The following C1orf198 variants were observed in gnomAD, a reference collection of about 807,000 sequenced individuals.
C1orf198 encodes uncharacterized protein C1orf198.
A neutral mutation model predicts 31.4 loss-of-function variants in C1orf198; 17 were observed. The observed-to-expected ratio is 0.54, with a 90% CI of 0.37 to 0.81. The LOEUF (loss-of-function observed/expected upper bound fraction) is 0.81, where lower values mean the gene tolerates loss of function less well. C1orf198 is among the 40% of genes least tolerant of loss of function. C1orf198 has a pLI of 0.00. For missense variants in C1orf198, 401 were observed against 450.3 expected, an observed-to-expected ratio of 0.89 and a Z score of 0.99; for synonymous variants, 175 against 193.8, an observed-to-expected ratio of 0.90 and a Z score of 0.81.
chr1:230,838,264 A>G lies in C1orf198; in HGVS notation c.*1588T>C, dbSNP rs1669352630. On this transcript the variant is annotated 3_prime_UTR_variant, in exon 4 of 4. Transcript: ENST00000366663. This position sits in a 1 kb window ranked among gnomAD's most constrained non-coding sequence, Gnocchi z 4.2. ...TCAACTATACTTAAATGGTACAGAA[A>G]GAACCAATATTTGAAAAGTTACAGT... 1 of 152,292 alleles carries G rather than the reference A, an allele frequency of 6.6e-6. No individual in the cohort carries two copies. Among genetic ancestry groups the G allele is most frequent in the South Asian group, 2.1e-4 (1 of 4,836 alleles). The allele number at this position is 152,292 out of a possible 1,614,324, so 9.4% of individuals were successfully genotyped here. A position where few individuals can be genotyped will look rare whatever the true frequency, so the allele number is the denominator to read the frequency against.
At chr1:230,859,662 G>A (rs575616680) in intron 1 of C1orf198, among the ~76,000 whole-genome samples, 14 of 152,224 alleles carry the variant, frequency 9.2e-5, no homozygotes, top group African/African-American at 2.9e-4. Flanking sequence ...AGAGGCCAGC[G>A]CTACATGTAA....
At chr1:230,853,760 CAT>C (rs755430544) in intron 2 of C1orf198, among the ~76,000 whole-genome samples, 5 of 152,314 alleles carry the variant, frequency 3.3e-5, no homozygotes, top group African/African-American at 1.2e-4. Context: ...ATGGGTGACA[CAT>C]ATTAACCAGA....
At chr1:230,841,018 G>C (rs558883976) in intron 3 of C1orf198, among the ~76,000 whole-genome samples, 1 of 152,188 alleles carries the variant, frequency 6.6e-6, no homozygotes, top group East Asian at 1.9e-4. Context: ...ACAGAAACAC[G>C]TTCCTGCTTC....
At chr1:230,851,833 T>C (rs751429899) in intron 2 of C1orf198, among the ~76,000 whole-genome samples, 23 of 152,232 alleles carry the variant, frequency 1.5e-4, no homozygotes, top group Non-Finnish European at 3.2e-4. Context: ...AAAGCTGCGT[T>C]GCATGGGGGC....
Position 230,845,984 on chromosome 1 carries a change from G to T in C1orf198, c.385-2088C>A, listed in dbSNP as rs193207084. On this transcript the variant is annotated intron_variant, in intron 2 of 3. Transcript: ENST00000366663. The stretch of plus-strand genomic sequence containing the variant: ...ATGATAATCATTATTTTTAATGGTT[G>T]TAAAAATATTTCAGTAGCTGTCACA... Among the ~76,000 whole-genome samples the T allele has an allele frequency of 6.2e-3, 939 of 152,230 alleles. 6 individuals are homozygous for T. Among genetic ancestry groups the T allele is most frequent in the South Asian group, 0.02 (96 of 4,818 alleles).
At chr1:230,864,273 T>C (rs1670063571) in intron 1 of C1orf198, among the ~76,000 whole-genome samples, 1 of 152,196 alleles carries the variant, frequency 6.6e-6, no homozygotes, top group Non-Finnish European at 1.5e-5. Context: ...GCCCCTAGGT[T>C]TGCAGAAAGG....
chr1:230,868,029 C>G (rs953794203), intron 1 of C1orf198, 151 bp downstream of exon 1: 3 of 840,234 alleles, frequency 3.6e-6, no homozygotes, highest in Non-Finnish European at 4.9e-6. Context: ...AACTTCGGCT[C>G]TGGGGCTCCC....
chr1:230,856,774 C>A (rs573873796), intron 1 of C1orf198, among the ~76,000 whole-genome samples: 1 of 152,280 alleles, frequency 6.6e-6, no homozygotes, highest in African/African-American at 2.4e-5. Flanking sequence ...ATATTTTAAA[C>A]GGAGATCATA....
chr1:230,846,127 A>C (rs1368313996), intron 2 of C1orf198, among the ~76,000 whole-genome samples: 3 of 152,220 alleles, frequency 2.0e-5, no homozygotes, highest in Non-Finnish European at 2.9e-5. Flanking sequence ...TTTTGGGTTA[A>C]TTTCTTTAGA....
chr1:230,848,315 T>C (rs993596499), intron 2 of C1orf198, among the ~76,000 whole-genome samples: 3 of 152,294 alleles, frequency 2.0e-5, no homozygotes, highest in African/African-American at 7.2e-5. Context: ...ATTTTGCAAA[T>C]AACGTATAAC....
At chr1:230,850,624 A>T (rs768951192) in intron 2 of C1orf198, among the ~76,000 whole-genome samples, 6 of 152,044 alleles carry the variant, frequency 3.9e-5, no homozygotes, top group Non-Finnish European at 8.8e-5. Context: ...GGCCAAGAGC[A>T]GGGGCACACA....
chr1:230,867,580 T>A (rs568982039), intron 1 of C1orf198, among the ~76,000 whole-genome samples: 1 of 152,298 alleles, frequency 6.6e-6, no homozygotes, highest in African/African-American at 2.4e-5. Context: ...TTGGAAAACA[T>A]CTTAGGGTGA....
At chr1:230,860,490 A>G (rs1231965943) in intron 1 of C1orf198, among the ~76,000 whole-genome samples, 1 of 152,244 alleles carries the variant, frequency 6.6e-6, no homozygotes, top group Non-Finnish European at 1.5e-5. Flanking sequence ...TGCATAAACA[A>G]AATGTGGTCT....
At chr1:230,865,983 A>G (rs1007983772) in intron 1 of C1orf198, among the ~76,000 whole-genome samples, 1 of 152,186 alleles carries the variant, frequency 6.6e-6, no homozygotes, top group Non-Finnish European at 1.5e-5. Flanking sequence ...ACATCAGAAG[A>G]CTGATCAAGT....
chr1:230,839,887 A>G lies in C1orf198; in HGVS notation c.949T>C (p.Leu317=). ...FAQVSSSNVV[L]KTGFDFLDNW Reference sequence around the variant, plus strand: ...TCCAGAAAATCAAATCCCGTCTTCAAGACGACATTACTTGAGCTGACCTGT... The same window carrying G: ...TCCAGAAAATCAAATCCCGTCTTCAGGACGACATTACTTGAGCTGACCTGT... The change falls in exon 4 of 4, where the codon TTG becomes CTG. Residue 317 remains leucine (L), a synonymous_variant. Coordinates refer to ENST00000366663, the MANE Select transcript of C1orf198 (RefSeq NM_032800.3). The G allele has an allele frequency of 6.2e-7, 1 of 1,610,838 alleles. No individual in the cohort carries two copies. Among genetic ancestry groups the G allele is most frequent in the African/African-American group, 1.3e-5 (1 of 74,886 alleles).
At position 230,852,321 on chromosome 1, in the gene C1orf198, A is replaced by G. The variant is rs1669767794; in HGVS notation, c.384+3347T>C. ...ATGTCTGACATAAACGGGGTATACA[A>G]TAAATATCTACTGGAAAAAAAAAAT... On this transcript the variant is annotated intron_variant, in intron 2 of 3. Coordinates refer to ENST00000366663, the MANE Select transcript of C1orf198 (RefSeq NM_032800.3). Among the ~76,000 whole-genome samples, 3 of 150,476 alleles carry G rather than the reference A, an allele frequency of 2.0e-5. No homozygotes were observed. The South Asian group carries it at 6.5e-4, about 33-fold the overall frequency.
chr1:230,849,413 C>A (rs1183784514), intron 2 of C1orf198, among the ~76,000 whole-genome samples: 1 of 152,166 alleles, frequency 6.6e-6, no homozygotes, highest in Non-Finnish European at 1.5e-5. Context: ...GTCTTTGAGA[C>A]AGGGGAGATA....
intron 1 of C1orf198, among the ~76,000 whole-genome samples, chr1:230,862,654 G>A (rs924961621): frequency 1.3e-5 from 2 of 152,182 alleles, no homozygotes; most frequent in African/African-American, 4.8e-5. Context: ...TTACATTCTG[G>A]AAAAGGCAAA....
In C1orf198 at chr1:230,843,303, G is replaced by A. The variant is rs139054283; in HGVS notation, c.927+51C>T. ...TTTGTGGGGGACCCTCTCGGTTCCC[G>A]TGGAATAAGGCACCATCCCATCTGA... On this transcript the variant is annotated intron_variant, in intron 3 of 3. Coordinates refer to ENST00000366663, the MANE Select transcript of C1orf198 (RefSeq NM_032800.3). This position sits in a 1 kb window ranked among gnomAD's most constrained non-coding sequence, Gnocchi z 4.9. 2.0e-5 allele frequency: 30 copies of A among 1,534,354 alleles called. No individual in the cohort carries two copies. The highest frequency in any genetic ancestry group is 1.7e-4 in the African/African-American group (12 of 72,566).
Sources: gnomAD v4.1 joint callset for allele counts (sites outside exome capture counted in the v4.1 genomes callset) on GRCh38, gnomAD v4.1.1 for gene constraint, Gnocchi (gnomAD v3.1) non-coding constraint, MANE v1.5 for transcripts, NCBI Gene and HGNC (gene_info 2026-07-23, HGNC 2026-07-21) for gene names.